Variants in CSMD2 observed in about 807,000 individuals in gnomAD.
The protein encoded by CSMD2 is CUB and sushi domain-containing protein 2.
Under a neutral mutation model 398.5 loss-of-function variants are expected in CSMD2, and 130 were observed. The observed-to-expected ratio is 0.33, with a 90% CI of 0.28 to 0.38. CSMD2 has a LOEUF of 0.38. Ranked by LOEUF, CSMD2 falls within the 10% of genes least tolerant of loss-of-function variation. The pLI, the probability that CSMD2 is intolerant of heterozygous loss-of-function variation, is 1.00. For missense variants in CSMD2, 3,829 were observed against 4,764.9 expected (o/e 0.80, Z 5.78); for synonymous variants, 1,828 against 1,908.5 (o/e 0.96, Z 1.10).
At chr1:33,758,965 CA>C (rs1453211581) in intron 13 of CSMD2, among the ~76,000 whole-genome samples, 1 of 152,228 alleles carries the variant, frequency 6.6e-6, no homozygotes, top group Non-Finnish European at 1.5e-5. Flanking sequence ...AGCTGACTTA[CA>C]ACCCTCTTGA....
intron 26 of CSMD2, among the ~76,000 whole-genome samples, chr1:33,658,480 A>G (rs1029180160): frequency 3.3e-5 from 5 of 152,264 alleles, no homozygotes; most frequent in East Asian, 1.9e-4. Flanking sequence ...GCTTAAGAAT[A>G]CAAGCATTGT....
chr1:33,517,001 T>C (rs753829023), intron 70 of CSMD2, among the ~76,000 whole-genome samples: 39 of 152,190 alleles, frequency 2.6e-4, no homozygotes, highest in Non-Finnish European at 1.0e-4. Flanking sequence ...TGAAATCTCA[T>C]TTTTGATACT....
At chr1:33,609,582 T>C (rs965844145) in intron 41 of CSMD2, among the ~76,000 whole-genome samples, 2 of 152,218 alleles carry the variant, frequency 1.3e-5, no homozygotes, top group African/African-American at 4.8e-5. Flanking sequence ...AAGAGAGCTT[T>C]GGCCTTACTT....
intron 3 of CSMD2, among the ~76,000 whole-genome samples, chr1:33,956,852 C>T (rs1645186422): frequency 6.6e-6 from 1 of 152,092 alleles, no homozygotes; most frequent in Admixed American, 6.6e-5. Context: ...ATGTCTCTCC[C>T]CTGCTTAACA....
chr1:33,749,092 CTTTTTTTTTT>C (rs72469561), intron 13 of CSMD2, among the ~76,000 whole-genome samples: 2 of 87,808 alleles, frequency 2.3e-5, no homozygotes, highest in Non-Finnish European at 4.1e-5. Context: ...ATACAGACTT[CTTTTTTTTTT>C]TTTTTTTTTT....
chr1:33,578,316 G>T (rs1297232263), intron 48 of CSMD2, among the ~76,000 whole-genome samples: 1 of 152,310 alleles, frequency 6.6e-6, no homozygotes, highest in South Asian at 2.1e-4. Flanking sequence ...CTGGGCTCAC[G>T]CCAGTAATCC....
chr1:33,889,582 T>A (rs954251737), intron 5 of CSMD2, among the ~76,000 whole-genome samples: 2 of 152,194 alleles, frequency 1.3e-5, no homozygotes, highest in African/African-American at 4.8e-5. Context: ...TTCATGATGA[T>A]GTTAACTATA....
chr1:34,131,251 T>A (rs905677119), intron 1 of CSMD2, among the ~76,000 whole-genome samples: 3 of 152,096 alleles, frequency 2.0e-5, no homozygotes, highest in African/African-American at 7.2e-5. Context: ...TGAAGAGAGG[T>A]TGGCAGAGCC....
chr1:33,926,648 C>A (rs1477017293), intron 4 of CSMD2, among the ~76,000 whole-genome samples: 1 of 152,184 alleles, frequency 6.6e-6, no homozygotes, highest in East Asian at 1.9e-4. Context: ...TAAAATATAA[C>A]CTTCAGCTGA....
chr1:33,662,916 T>A lies in CSMD2; in HGVS notation c.4229A>T (p.Lys1410Met). 1.9e-6 allele frequency: 3 copies of A among 1,614,196 alleles called. No homozygotes were observed. The highest frequency in any genetic ancestry group is 2.5e-6 in the Non-Finnish European group (3 of 1,180,020). Residue 1410 changes from lysine to methionine, a missense_variant, in exon 26 of 71, where the codon AAG becomes ATG. Physicochemically the swap from Lys to Met is moderately conservative, Grantham distance 95. This residue lies in a region of CSMD2 where 2,001 missense variants were observed against 2,567.1 expected (regional missense o/e 0.78). Transcript: ENST00000373381. ...LQFSTDFFTS[K>M]QGFAIQFSVS... The stretch of plus-strand genomic sequence containing the variant: ...TGAAAATTGAATGGCAAAGCCCTGC[T>A]TGCTGGTGAAGAAGTCAGTGCTGAA...
intron 49 of CSMD2, among the ~76,000 whole-genome samples, chr1:33,573,726 A>G (rs10798966): frequency 0.22 from 33,775 of 152,156 alleles, 4,000 homozygotes; most frequent in Non-Finnish European, 0.26. Context: ...AAGAGAGAAC[A>G]CAAAAAGTGG....
intron 1 of CSMD2, among the ~76,000 whole-genome samples, chr1:34,158,724 C>T (rs184025460): frequency 7.4e-4 from 112 of 152,310 alleles, no homozygotes; most frequent in African/African-American, 2.4e-3. Context: ...GGGCCCAGCA[C>T]TGTAACAAGG....
At position 34,087,303 on chromosome 1, in the gene CSMD2, G is replaced by A. The variant is rs144249265; in HGVS notation, c.404+1674C>T. Among the ~76,000 whole-genome samples, 957 of 152,150 alleles carry A rather than the reference G, an allele frequency of 6.3e-3. 8 individuals carry two copies. The highest frequency in any genetic ancestry group is 0.022 in the African/African-American group (918 of 41,494). ...AGCAATCACAGCCATAAAAAAGGAT[G>A]AGTTAATGTCCTTTGCAGGGACATG... On this transcript the variant is annotated intron_variant, in intron 2 of 70. Transcript: ENST00000373381.
At chr1:34,147,464 G>C (rs916550106) in intron 1 of CSMD2, among the ~76,000 whole-genome samples, 1 of 151,914 alleles carries the variant, frequency 6.6e-6, no homozygotes, top group Non-Finnish European at 1.5e-5. Context: ...TCTAGGAGCC[G>C]GCAGAGATGC....
In CSMD2 at chr1:34,106,600, T is replaced by C. The variant is rs115355988; in HGVS notation, c.188-17407A>G. ...CAGGACATACTCTCAAAGCTATAGTTCTGGTTCCACTCTGCACCCAGCACC... is the reference window on the plus strand; with the variant it reads ...CAGGACATACTCTCAAAGCTATAGTCCTGGTTCCACTCTGCACCCAGCACC... On this transcript the variant is annotated intron_variant, in intron 1 of 70. Coordinates refer to ENST00000373381, the MANE Select transcript of CSMD2 (RefSeq NM_001281956.2). 5.9e-3 allele frequency among the ~76,000 whole-genome samples: 902 copies of C among 152,244 alleles called. 13 individuals are homozygous for C. The highest frequency in any genetic ancestry group is 0.021 in the African/African-American group (859 of 41,522).
intron 41 of CSMD2, among the ~76,000 whole-genome samples, chr1:33,608,835 T>C (rs903098803): frequency 2.0e-5 from 3 of 152,146 alleles, no homozygotes; most frequent in Admixed American, 6.5e-5. Flanking sequence ...CCCAGAGCCA[T>C]TGGACAGTAA....
At chr1:33,913,943 G>A (rs769279662) in intron 5 of CSMD2, among the ~76,000 whole-genome samples, 6 of 152,062 alleles carry the variant, frequency 3.9e-5, no homozygotes, top group Non-Finnish European at 8.8e-5. Context: ...CCAATGGAGA[G>A]GTCAGTTCTG....
In CSMD2 at chr1:33,556,343, G is replaced by A. The variant is rs147852717; in HGVS notation, c.8743+1391C>T. 4.3e-3 allele frequency among the ~76,000 whole-genome samples: 649 copies of A among 152,312 alleles called. 3 individuals carry two copies. The highest frequency in any genetic ancestry group is 0.015 in the African/African-American group (624 of 41,566). On this transcript the variant is annotated intron_variant, in intron 55 of 70. Transcript: ENST00000373381. ...TTCTCAAGCGAGGAAAATACAAGCA[G>A]TGAGCAGCTATACCAGGCTCCTGTT... is the stretch of plus-strand genomic sequence containing the variant.
In CSMD2 at chr1:33,737,194, C is replaced by T. The variant is rs536757943; in HGVS notation, c.2368+1946G>A. On this transcript the variant is annotated intron_variant, in intron 15 of 70. Coordinates refer to ENST00000373381, the MANE Select transcript of CSMD2 (RefSeq NM_001281956.2). Reference sequence around the variant, plus strand: ...GCTGGGAAGCATGGAGACTGAGTTTCGTGTTGTTTCTCTAACTCCAAAGCT... The same window carrying T: ...GCTGGGAAGCATGGAGACTGAGTTTTGTGTTGTTTCTCTAACTCCAAAGCT... Among the ~76,000 whole-genome samples, 10 of 152,320 alleles carry T rather than the reference C, an allele frequency of 6.6e-5. No individual in the cohort carries two copies. In the East Asian group the frequency reaches 1.5e-3, roughly 24 times the overall value.
Sources: gnomAD v4.1 joint callset for allele counts (sites outside exome capture counted in the v4.1 genomes callset) on GRCh38, gnomAD v4.1.1 for gene constraint, gnomAD v4.1.1 regional missense constraint, MANE v1.5 for transcripts, NCBI Gene and HGNC (gene_info 2026-07-23, HGNC 2026-07-21) for gene names.